The following CPEB1 variants were observed in gnomAD, a reference collection of about 807,000 sequenced individuals.
CPEB1 encodes cytoplasmic polyadenylation element binding protein 1.
A neutral mutation model predicts 65.8 loss-of-function variants in CPEB1; 7 were observed. The ratio of observed to expected loss-of-function variants is 0.11; its 90% CI spans 0.06 to 0.20. The LOEUF is 0.20. Ranked by LOEUF, CPEB1 falls within the 10% of genes least tolerant of loss-of-function variation. The pLI is 1.00. For missense variants in CPEB1, 551 were observed against 712.2 expected (o/e 0.77, Z 2.58); for synonymous variants, 262 against 260.0 (o/e 1.01, Z -0.08).
intron 2 of CPEB1, 119 bp from the exon 3 acceptor site, chr15:82,627,486 A>G (rs2045871200): frequency 2.9e-6 from 2 of 694,716 alleles, no homozygotes; most frequent in Admixed American, 3.2e-5. Context: ...ATACATTAAA[A>G]CACTTAATGA....
Position 82,624,574 on chromosome 15 carries a change from C to T in CPEB1, c.271+2619G>A, listed in dbSNP as rs563127384. ...GAGAAGTCTTTAACTTGTACTTCGG[C>T]TACTGACCCTGGGCAGAGTATAATG... On this transcript the variant is annotated intron_variant, in intron 3 of 12. Coordinates refer to ENST00000684509, the MANE Select transcript of CPEB1 (RefSeq NM_001365242.1). 3.9e-5 allele frequency among the ~76,000 whole-genome samples: 6 copies of T among 152,242 alleles called. No individual in the cohort carries two copies. In the South Asian group the frequency reaches 1.2e-3, roughly 32 times the overall value.
chr15:82,555,721 C>T, intron 6 of CPEB1, 149 bp downstream of exon 6: 1 of 826,746 alleles, frequency 1.2e-6, no homozygotes, highest in Non-Finnish European at 1.8e-6. Context: ...AGTATTTACT[C>T]CACAGAAAGA....
chr15:82,544,369 G>A lies in CPEB1; in HGVS notation c.*223C>T, dbSNP rs2034802789. 2.2e-6 allele frequency: 1 copy of A among 455,618 alleles called. No individual in the cohort carries two copies. The highest frequency in any genetic ancestry group is 3.9e-6 in the Non-Finnish European group (1 of 258,696). 28.2% of individuals were successfully genotyped at this position (455,618 alleles called of 1,614,324 possible). On this transcript the variant is annotated 3_prime_UTR_variant, in exon 13 of 13. Coordinates refer to ENST00000684509, the MANE Select transcript of CPEB1 (RefSeq NM_001365242.1). Reference sequence around the variant, plus strand: ...GAGTCGCTTGGAGGGTAAGCCAGAGGGTCCTTGCCCTTGGTACACCCCCTG... The same window carrying A: ...GAGTCGCTTGGAGGGTAAGCCAGAGAGTCCTTGCCCTTGGTACACCCCCTG...
At chr15:82,634,295 T>G (rs755978957) in intron 1 of CPEB1, among the ~76,000 whole-genome samples, 1 of 152,212 alleles carries the variant, frequency 6.6e-6, no homozygotes, top group Non-Finnish European at 1.5e-5. Context: ...ATTTTATATT[T>G]ATTTGTATAG....
intron 4 of CPEB1, chr15:82,562,500 C>T (rs1356698624): frequency 1.1e-5 from 2 of 186,304 alleles, no homozygotes; most frequent in Non-Finnish European, 2.2e-5. Context: ...ATTGCCTTAT[C>T]ATACCCAAAC....
At chr15:82,577,957 G>A (rs1444464411) in intron 3 of CPEB1, among the ~76,000 whole-genome samples, 6 of 151,928 alleles carry the variant, frequency 3.9e-5, no homozygotes, top group Admixed American at 6.5e-5. Flanking sequence ...TGGCTAACAC[G>A]GTGAAACCCC....
In CPEB1 at chr15:82,628,398, G is replaced by A. The variant is rs957992001; in HGVS notation, c.62C>T (p.Ser21Leu). ...SSMSGTGLEH[S>L]SLSDCLLLIP... ...TAGCAGAAGACAATCTGATAGAGAT[G>A]AGTGCTCCAAACCAGTGCCAGACAT... The change falls in exon 2 of 13, where the codon TCA becomes TTA. Residue 21 changes from serine (S) to leucine (L), a missense_variant. Physicochemically the swap from Ser to Leu is moderately radical, Grantham distance 145. This residue lies in a region of CPEB1 where 223 missense variants were observed against 228.6 expected (regional missense o/e 0.98). Coordinates refer to ENST00000684509, the MANE Select transcript of CPEB1 (RefSeq NM_001365242.1). The A allele has an allele frequency of 1.0e-5, 7 of 702,732 alleles. No individual in the cohort carries two copies. Among genetic ancestry groups the A allele is most frequent in the Admixed American group, 2.0e-5 (1 of 49,990 alleles). 43.5% of individuals were successfully genotyped at this position (702,732 alleles called of 1,614,324 possible).
chr15:82,615,821 G>A (rs2044656241), intron 3 of CPEB1, among the ~76,000 whole-genome samples: 1 of 152,054 alleles, frequency 6.6e-6, no homozygotes, highest in African/African-American at 2.4e-5. Flanking sequence ...ACCAAACTCT[G>A]CAATTAACTT....
At chr15:82,627,140 G>C in intron 3 of CPEB1, 53 bp downstream of exon 3, 1 of 1,419,434 alleles carries the variant, frequency 7.0e-7, no homozygotes, top group Non-Finnish European at 9.5e-7. Flanking sequence ...GCACTACTTA[G>C]AAGCAGATCT....
rs146011732 is a variant in CPEB1, at chr15:82,553,298, C to T, written c.1144+169G>A. ...CATTAGCTCAGAAGAAACAGAGGGA[C>T]ATGTTAGGTTGAAGAGAAAGTGCTG... On this transcript the variant is annotated intron_variant, in intron 8 of 12. Coordinates refer to ENST00000684509, the MANE Select transcript of CPEB1 (RefSeq NM_001365242.1). Among the ~76,000 whole-genome samples, 3 of 152,210 alleles carry T rather than the reference C, an allele frequency of 2.0e-5. No homozygotes were observed. In the East Asian group the frequency reaches 5.8e-4, roughly 29 times the overall value.
At chr15:82,582,104 G>T (rs2041336725) in intron 3 of CPEB1, among the ~76,000 whole-genome samples, 1 of 152,130 alleles carries the variant, frequency 6.6e-6, no homozygotes, top group South Asian at 2.1e-4. Context: ...ACTCACACTG[G>T]GAAATGAGCA....
chr15:82,546,449 G>T lies in CPEB1; in HGVS notation c.1648C>A (p.Arg550=), dbSNP rs753963865. ...ATAGACATCGGACCCACCTGATCTC[G>T]ACAGAAGAAAGGACCAGGCTGAGAA... ...CSSQPGPFFC[R]DQVCFKYFCR... The change falls in exon 12 of 13, where the codon CGA becomes AGA. Residue 550 remains arginine, a synonymous_variant. Transcript: ENST00000684509. The T allele has an allele frequency of 5.0e-6, 8 of 1,613,468 alleles. No homozygotes were observed. The South Asian group carries it at 7.7e-5, about 16-fold the overall frequency.
At chr15:82,560,723 C>T (rs144571025) in intron 4 of CPEB1, among the ~76,000 whole-genome samples, 170 of 151,466 alleles carry the variant, frequency 1.1e-3, no homozygotes, top group Middle Eastern at 3.4e-3. Flanking sequence ...CTGAGAGACA[C>T]GGAAAAGGAG....
intron 3 of CPEB1, among the ~76,000 whole-genome samples, chr15:82,616,244 C>T (rs2044695312): frequency 6.6e-6 from 1 of 151,958 alleles, no homozygotes; most frequent in Non-Finnish European, 1.5e-5. Flanking sequence ...TGACAATTTA[C>T]CCAGTTATAT....
chr15:82,572,513 T>A (rs533177910), intron 3 of CPEB1, among the ~76,000 whole-genome samples: 2 of 152,022 alleles, frequency 1.3e-5, no homozygotes, highest in African/African-American at 4.8e-5. Flanking sequence ...GGTTCCCTCA[T>A]CCCAACAAGA....
At chr15:82,557,461 G>A (rs1567175681) in intron 5 of CPEB1, 1 of 357,996 alleles carries the variant, frequency 2.8e-6, no homozygotes, top group Non-Finnish European at 5.0e-6. Context: ...ACACTGCCAG[G>A]GCCCTCACGT....
At chr15:82,595,248 T>C (rs1406645566) in intron 3 of CPEB1, among the ~76,000 whole-genome samples, 1 of 152,230 alleles carries the variant, frequency 6.6e-6, no homozygotes, top group East Asian at 1.9e-4. Flanking sequence ...TGTTTCCACA[T>C]TTGGGATATT....
chr15:82,547,381 C>T (rs1439039532), intron 10 of CPEB1, 144 bp from the exon 11 acceptor site: 1 of 555,564 alleles, frequency 1.8e-6, no homozygotes, highest in African/African-American at 2.0e-5. Context: ...ACTGCAAGCT[C>T]TGCCTCCCGG....
intron 3 of CPEB1, among the ~76,000 whole-genome samples, chr15:82,624,914 C>A (rs144680873): frequency 6.6e-6 from 1 of 152,060 alleles, no homozygotes; most frequent in Admixed American, 6.6e-5. Context: ...CACAGTTCAC[C>A]GCAGTCTCGA....
Sources: allele counts gnomAD v4.1 joint callset (sites outside exome capture counted in the v4.1 genomes callset), GRCh38; gene constraint gnomAD v4.1.1; regional missense constraint gnomAD v4.1.1; transcripts MANE v1.5; gene names NCBI Gene and HGNC (gene_info 2026-07-23, HGNC 2026-07-21).